Variants in RALYL observed in about 807,000 individuals in gnomAD.
RALYL encodes the protein RALY RNA binding protein like, also known as RNA-binding Raly-like protein.
In RALYL, 29 loss-of-function variants were observed where a neutral mutation model predicts 35.1. The observed-to-expected ratio is 0.83, with a 90% CI of 0.61 to 1.13. The LOEUF (loss-of-function observed/expected upper bound fraction) is 1.13. Ranked by LOEUF, RALYL falls within the 50% of genes most tolerant of loss-of-function variation. RALYL has a pLI of 0.00. For synonymous variants in RALYL, 120 were observed against 127.6 expected, an observed-to-expected ratio of 0.94 and a Z score of 0.40; for missense variants, 359 against 360.4, an observed-to-expected ratio of 1.00 and a Z score of 0.03.
chr8:84,840,511 T>G (rs1321310919), intron 4 of RALYL, among the ~76,000 whole-genome samples: 4 of 152,248 alleles, frequency 2.6e-5, no homozygotes, highest in Middle Eastern at 6.8e-3. Context: ...TGAAAGTGAC[T>G]GGGAGAATGG....
intron 1 of RALYL, among the ~76,000 whole-genome samples, chr8:84,211,067 G>C (rs10113425): frequency 0.24 from 35,722 of 151,946 alleles, 4,321 homozygotes; most frequent in Non-Finnish European, 0.27. Flanking sequence ...TGCAGATATT[G>C]TGTGGTCACT....
intron 1 of RALYL, among the ~76,000 whole-genome samples, chr8:84,288,022 A>G (rs1278804902): frequency 6.6e-6 from 1 of 152,138 alleles, no homozygotes; most frequent in Non-Finnish European, 1.5e-5. Flanking sequence ...ATGGAATGAG[A>G]TTGATCCAGC....
At chr8:84,801,131 G>GTCTC (rs992508993) in intron 3 of RALYL, among the ~76,000 whole-genome samples, 4 of 152,118 alleles carry the variant, frequency 2.6e-5, no homozygotes, top group African/African-American at 4.8e-5. Context: ...CGGGCCAGTT[G>GTCTC]TCTCTCCACT....
intron 1 of RALYL, among the ~76,000 whole-genome samples, chr8:84,396,546 A>G (rs559006698): frequency 6.6e-6 from 1 of 152,122 alleles, no homozygotes; most frequent in African/African-American, 2.4e-5. Flanking sequence ...TGTGGACTAG[A>G]AGGAAAAATG....
chr8:84,622,495 A>G lies in RALYL; in HGVS notation c.256+92918A>G, dbSNP rs114023769. Among the ~76,000 whole-genome samples, 499 of 152,328 alleles carry G rather than the reference A, an allele frequency of 3.3e-3. 5 individuals carry two copies. The highest frequency in any genetic ancestry group is 0.012 in the African/African-American group (487 of 41,570). ...TTGAGCAGATTTTACAGAGAGTGGCATCATTTCCTAGAAAAACAGCAGCAA... is the reference window on the plus strand; with the variant it reads ...TTGAGCAGATTTTACAGAGAGTGGCGTCATTTCCTAGAAAAACAGCAGCAA... On this transcript the variant is annotated intron_variant, in intron 2 of 8. Coordinates refer to ENST00000521268, the MANE Select transcript of RALYL (RefSeq NM_173848.7).
chr8:84,800,162 A>C (rs1822909744), intron 3 of RALYL, among the ~76,000 whole-genome samples: 1 of 152,194 alleles, frequency 6.6e-6, no homozygotes, highest in South Asian at 2.1e-4. Flanking sequence ...TAGAAGTATA[A>C]AGACAGACAA....
chr8:84,287,800 G>A (rs1368657748), intron 1 of RALYL, among the ~76,000 whole-genome samples: 1 of 152,184 alleles, frequency 6.6e-6, no homozygotes, highest in African/African-American at 2.4e-5. Flanking sequence ...AGAATGGTTA[G>A]AAATGGGGTC....
At chr8:84,607,240 C>A (rs1817343692) in intron 2 of RALYL, among the ~76,000 whole-genome samples, 1 of 152,032 alleles carries the variant, frequency 6.6e-6, no homozygotes, top group Non-Finnish European at 1.5e-5. Flanking sequence ...CAATACATAT[C>A]ACATTCTTAC....
At chr8:84,741,117 T>C (rs1221694563) in intron 2 of RALYL, among the ~76,000 whole-genome samples, 1 of 152,008 alleles carries the variant, frequency 6.6e-6, no homozygotes, top group African/African-American at 2.4e-5. Flanking sequence ...ACGGTCATTT[T>C]AGAATGATTT....
chr8:84,566,240 A>G (rs1046340064), intron 2 of RALYL, among the ~76,000 whole-genome samples: 7 of 151,764 alleles, frequency 4.6e-5, no homozygotes, highest in Admixed American at 2.0e-4. Context: ...AAAATTTTAA[A>G]CTACATTATA....
intron 1 of RALYL, among the ~76,000 whole-genome samples, chr8:84,410,109 A>G (rs932367383): frequency 2.0e-5 from 3 of 151,984 alleles, no homozygotes; most frequent in Non-Finnish European, 4.4e-5. Context: ...TAGTGCTTAC[A>G]TGTCAGATGT....
intron 2 of RALYL, among the ~76,000 whole-genome samples, chr8:84,594,950 A>G (rs1051584717): frequency 6.6e-6 from 1 of 152,054 alleles, no homozygotes; most frequent in Non-Finnish European, 1.5e-5. Context: ...CATCTCCAGT[A>G]ACATCTTATA....
chr8:84,389,482 A>T (rs1329309140), intron 1 of RALYL, among the ~76,000 whole-genome samples: 6 of 151,774 alleles, frequency 4.0e-5, no homozygotes, highest in East Asian at 1.9e-4. Flanking sequence ...TGAGCATGGA[A>T]TGTTCTTCCA....
rs117873565 is a variant in RALYL at position 84,277,002 on chromosome 8, C to T, written c.-24+92578C>T. On this transcript the variant is annotated intron_variant, in intron 1 of 8. Transcript: ENST00000521268. ...ATGCTGATGTAAGGTGAAGAAAGCA[C>T]GCAGCTGCCATTGCACAAGGTTTGA... is the stretch of plus-strand genomic sequence containing the variant. Among the ~76,000 whole-genome samples, 274 of 152,246 alleles carry T rather than the reference C, an allele frequency of 1.8e-3. 5 individuals are homozygous for T. The East Asian group carries it at 0.039, about 21-fold the overall frequency.
At chr8:84,617,101 T>G (rs939468724) in intron 2 of RALYL, among the ~76,000 whole-genome samples, 9 of 150,758 alleles carry the variant, frequency 6.0e-5, no homozygotes, top group East Asian at 5.8e-4. Context: ...ATATGAACTT[T>G]AAAGTAGTTT....
At position 84,442,371 on chromosome 8, in the gene RALYL, G is replaced by A. The variant is rs540549357; in HGVS notation, c.-23-86928G>A. Among the ~76,000 whole-genome samples the A allele has an allele frequency of 2.3e-4, 35 of 152,158 alleles. 1 individual carries two copies. In the South Asian group the frequency reaches 2.7e-3, roughly 12 times the overall value. Reference sequence around the variant, plus strand: ...ATTAAATGCTTCCAATTTAAATGCCGTACATAGAGTCTATTTTCTCTAGTA... The same window carrying A: ...ATTAAATGCTTCCAATTTAAATGCCATACATAGAGTCTATTTTCTCTAGTA... On this transcript the variant is annotated intron_variant, in intron 1 of 8. Transcript: ENST00000521268.
chr8:84,777,983 CTT>C (rs1425291863), intron 3 of RALYL, among the ~76,000 whole-genome samples: 2 of 152,044 alleles, frequency 1.3e-5, no homozygotes, highest in Non-Finnish European at 2.9e-5. Context: ...GAGGGGGACT[CTT>C]TTTACTCGGT....
Position 84,620,195 on chromosome 8 carries a change from A to G in RALYL, c.256+90618A>G, listed in dbSNP as rs1469698522. Among the ~76,000 whole-genome samples, 3 of 152,216 alleles carry G rather than the reference A, an allele frequency of 2.0e-5. No homozygotes were observed. The South Asian group carries it at 6.2e-4, about 31-fold the overall frequency. ...ATAATATCTTGCAGAGTGTTTTCCAACTTGGTTCCATTCTCCCCATCACTT... is the reference window on the plus strand; with the variant it reads ...ATAATATCTTGCAGAGTGTTTTCCAGCTTGGTTCCATTCTCCCCATCACTT... On this transcript the variant is annotated intron_variant, in intron 2 of 8. Coordinates refer to ENST00000521268, the MANE Select transcript of RALYL (RefSeq NM_173848.7).
intron 2 of RALYL, among the ~76,000 whole-genome samples, chr8:84,744,811 C>A (rs1471878450): frequency 6.6e-6 from 1 of 151,980 alleles, no homozygotes; most frequent in African/African-American, 2.4e-5. Flanking sequence ...CGATACAGAA[C>A]TTCTCATCTC....
Sources: allele counts gnomAD v4.1 joint callset (sites outside exome capture counted in the v4.1 genomes callset), GRCh38; gene constraint gnomAD v4.1.1; transcripts MANE v1.5; gene names NCBI Gene and HGNC (gene_info 2026-07-23, HGNC 2026-07-21).